CRACD: variants seen among roughly 807,000 people sequenced by gnomAD.
CRACD encodes the protein capping protein inhibiting regulator of actin dynamics, also known as capping protein-inhibiting regulator of actin dynamics.
In CRACD, 56 loss-of-function variants were observed where a neutral mutation model predicts 106.8. The ratio of observed to expected loss-of-function variants is 0.52; its 90% CI spans 0.42 to 0.66. The LOEUF is 0.66. Ranked by LOEUF, CRACD falls within the 30% of genes least tolerant of loss-of-function variation. The probability of loss-of-function intolerance (pLI) is 0.00; values close to 1 mark genes in which losing one functional copy is unlikely to be tolerated. For missense variants in CRACD, 1,730 were observed against 1,623.2 expected (o/e 1.07, Z -1.13); for synonymous variants, 754 against 670.8 (o/e 1.12, Z -1.92).
At chr4:56,140,456 C>T (rs1431006381) in intron 1 of CRACD, among the ~76,000 whole-genome samples, 1 of 152,194 alleles carries the variant, frequency 6.6e-6, no homozygotes, top group African/African-American at 2.4e-5. Flanking sequence ...TTCTTTCTCT[C>T]ATTCTCTGAA....
chr4:56,170,030 C>G (rs1184937047), intron 1 of CRACD, among the ~76,000 whole-genome samples: 2 of 152,114 alleles, frequency 1.3e-5, no homozygotes, highest in African/African-American at 4.8e-5. Context: ...TGTACTTTCA[C>G]TGAGTAGCAG....
chr4:56,170,738 C>T (rs1170138284), intron 1 of CRACD, among the ~76,000 whole-genome samples: 1 of 152,064 alleles, frequency 6.6e-6, no homozygotes, highest in Non-Finnish European at 1.5e-5. Flanking sequence ...CAGCTTGAGG[C>T]TGAGGCGGGA....
chr4:56,057,810 T>TTTTG (rs1560438206), intron 1 of CRACD, among the ~76,000 whole-genome samples: 1 of 60,028 alleles, frequency 1.7e-5, no homozygotes, highest in African/African-American at 1.4e-4. Flanking sequence ...TTTTTTTTTT[T>TTTTG]TTTGTTTTTT....
intron 1 of CRACD, among the ~76,000 whole-genome samples, chr4:56,149,470 T>C (rs1165832134): frequency 2.6e-5 from 4 of 152,240 alleles, no homozygotes; most frequent in Non-Finnish European, 4.4e-5. Flanking sequence ...GACATTTCCT[T>C]ATTCAGTTCC....
chr4:56,066,752 C>T (rs540873726), intron 1 of CRACD, among the ~76,000 whole-genome samples: 26 of 152,158 alleles, frequency 1.7e-4, no homozygotes, highest in African/African-American at 5.8e-4. Flanking sequence ...AGACAGTACA[C>T]AAAGTACAGG....
intron 4 of CRACD, among the ~76,000 whole-genome samples, chr4:56,304,758 G>A (rs966546312): frequency 6.7e-6 from 1 of 149,806 alleles, no homozygotes; most frequent in Non-Finnish European, 1.5e-5. Context: ...CTTTAGCCTG[G>A]GCAACAGAAG....
At chr4:56,305,992 C>T (rs1252269145) in intron 4 of CRACD, among the ~76,000 whole-genome samples, 1 of 152,154 alleles carries the variant, frequency 6.6e-6, no homozygotes, top group African/African-American at 2.4e-5. Flanking sequence ...TTTATGAGCA[C>T]CAGTGGAGTA....
At chr4:56,156,432 C>T (rs1450279959) in intron 1 of CRACD, among the ~76,000 whole-genome samples, 1 of 152,160 alleles carries the variant, frequency 6.6e-6, no homozygotes, top group African/African-American at 2.4e-5. Context: ...ACCGTGTGAC[C>T]AGGACAGGCT....
intron 2 of CRACD, among the ~76,000 whole-genome samples, chr4:56,200,424 A>G (rs921573843): frequency 9.2e-5 from 14 of 152,212 alleles, no homozygotes; most frequent in African/African-American, 3.1e-4. Context: ...TCTAATAAGC[A>G]TAATGGGAGC....
At chr4:56,274,703 T>G (rs1207965691) in intron 3 of CRACD, among the ~76,000 whole-genome samples, 2 of 152,230 alleles carry the variant, frequency 1.3e-5, no homozygotes, top group Admixed American at 1.3e-4. Context: ...AACACATCTC[T>G]TAAGTAAGGA....
intron 1 of CRACD, among the ~76,000 whole-genome samples, chr4:56,157,803 G>A (rs1163821949): frequency 3.3e-5 from 5 of 152,140 alleles, no homozygotes; most frequent in African/African-American, 1.2e-4. Flanking sequence ...CCTTCCTGAG[G>A]CACTGTATGC....
intron 2 of CRACD, among the ~76,000 whole-genome samples, chr4:56,268,824 G>A (rs1742184884): frequency 6.6e-6 from 1 of 152,082 alleles, no homozygotes; most frequent in Non-Finnish European, 1.5e-5. Flanking sequence ...TAGTGCTCTT[G>A]GATGATCTTC....
chr4:56,213,633 G>A (rs1396348865), intron 2 of CRACD, among the ~76,000 whole-genome samples: 1 of 152,172 alleles, frequency 6.6e-6, no homozygotes, highest in East Asian at 1.9e-4. Flanking sequence ...ATTAGTAAAT[G>A]GAAATGAGGT....
At chr4:56,072,917 C>T (rs1353986836) in intron 1 of CRACD, among the ~76,000 whole-genome samples, 2 of 152,116 alleles carry the variant, frequency 1.3e-5, no homozygotes, top group Non-Finnish European at 2.9e-5. Flanking sequence ...CATCCATGTC[C>T]CTGCAAAGGA....
rs34984806 is a variant in CRACD at position 56,330,190 on chromosome 4, CT to C, written c.*2400del. Among the ~76,000 whole-genome samples, 80,955 of 147,774 alleles carry C rather than the reference CT, an allele frequency of 0.55. 22,411 individuals carry two copies. Among genetic ancestry groups the C allele is most frequent in the South Asian group, 0.67 (3,146 of 4,682 alleles). ...GAATGATCACTATGTTAAATGCAAA[CT>C]TTTTTTTTTTTTTATTTAAACAAAC... On this transcript the variant is annotated 3_prime_UTR_variant, in exon 11 of 11. Transcript: ENST00000682029.
chr4:56,237,111 T>A (rs767873765), intron 2 of CRACD, among the ~76,000 whole-genome samples: 1 of 152,146 alleles, frequency 6.6e-6, no homozygotes, highest in Non-Finnish European at 1.5e-5. Context: ...TAACATTGCT[T>A]ATAGTGATAT....
intron 2 of CRACD, among the ~76,000 whole-genome samples, chr4:56,185,856 T>G (rs1349188121): frequency 6.6e-6 from 1 of 152,202 alleles, no homozygotes; most frequent in East Asian, 1.9e-4. Flanking sequence ...ATTTTGGCAT[T>G]GGGATAGCTG....
chr4:56,088,709 A>T (rs1733315105), intron 1 of CRACD, among the ~76,000 whole-genome samples: 1 of 151,702 alleles, frequency 6.6e-6, no homozygotes, highest in Non-Finnish European at 1.5e-5. Flanking sequence ...TGAATAATTG[A>T]ACAAATTATA....
intron 3 of CRACD, among the ~76,000 whole-genome samples, chr4:56,291,875 G>A (rs995764239): frequency 6.6e-6 from 1 of 152,134 alleles, no homozygotes; most frequent in African/African-American, 2.4e-5. Flanking sequence ...TAGAAAACTG[G>A]TACCAAAGAA....
Sources: gnomAD v4.1 joint callset for allele counts (sites outside exome capture counted in the v4.1 genomes callset) on GRCh38, gnomAD v4.1.1 for gene constraint, MANE v1.5 for transcripts, NCBI Gene and HGNC (gene_info 2026-07-23, HGNC 2026-07-21) for gene names.